OTUD5: variants seen among roughly 807,000 people sequenced by gnomAD.
The protein encoded by OTUD5 is OTU domain-containing protein 5.
OTUD5 carries 2 observed loss-of-function variants against 36.3 expected under a neutral mutation model. The observed-to-expected ratio is 0.06, with a 90% CI of 0.02 to 0.17. The LOEUF (loss-of-function observed/expected upper bound fraction) is 0.17. Ranked by LOEUF, OTUD5 falls within the 10% of genes least tolerant of loss-of-function variation. The pLI, the probability that OTUD5 is intolerant of heterozygous loss-of-function variation, is 1.00. For missense variants in OTUD5, 233 were observed against 512.3 expected (o/e 0.45, Z 5.26); for synonymous variants, 234 against 214.9 (o/e 1.09, Z -0.78).
intron 1 of OTUD5, among the ~76,000 whole-genome samples, chrX:48,956,010 C>G (rs781979570): frequency 9.0e-6 from 1 of 111,136 alleles, no homozygotes; most frequent in African/African-American, 3.3e-5. Flanking sequence ...TAGGATCCAA[C>G]GCTGTGAGTC....
At chrX:48,935,074 G>GA (rs1483628533) in intron 2 of OTUD5, 56 bp from the exon 3 acceptor site, 13 of 1,050,122 alleles carry the variant, frequency 1.2e-5, no homozygotes, top group Non-Finnish European at 1.7e-5. Flanking sequence ...GAAGAGCTCT[G>GA]AATCATAGAA....
chrX:48,942,252 C>CACACACACAA (rs2063941897), intron 2 of OTUD5, among the ~76,000 whole-genome samples: 2 of 94,044 alleles, frequency 2.1e-5, no homozygotes, highest in Admixed American at 2.4e-4. Flanking sequence ...CATACACACA[C>CACACACACAA]ACACACACAC....
chrX:48,934,656 T>G (rs782806397), intron 4 of OTUD5, 44 bp from the exon 5 acceptor site: 54 of 1,206,465 alleles, frequency 4.5e-5, no homozygotes, highest in Non-Finnish European at 6.0e-5. Flanking sequence ...CAGGCCAGGT[T>G]GGGCAGGCTC....
chrX:48,951,657 G>A (rs997995251), intron 1 of OTUD5, among the ~76,000 whole-genome samples: 1 of 110,540 alleles, frequency 9.0e-6, no homozygotes, highest in Non-Finnish European at 1.9e-5. Context: ...GAGGAACATA[G>A]ACACACTACT....
chrX:48,946,054 T>C (rs1295403524), intron 1 of OTUD5, among the ~76,000 whole-genome samples: 1 of 111,089 alleles, frequency 9.0e-6, no homozygotes, highest in Non-Finnish European at 1.9e-5. Context: ...TTATAGGATC[T>C]GGGGTATTAG....
At chrX:48,958,359 G>A (rs1557056421), upstream of OTUD5, 1 of 112,467 alleles carries the variant, frequency 8.9e-6, no homozygotes, top group Admixed American at 9.3e-5. Context: ...AACACTCCCG[G>A]GAGCATAGCT....
intron 5 of OTUD5, among the ~76,000 whole-genome samples, chrX:48,928,849 A>T (rs1490260117): frequency 9.8e-6 from 1 of 101,987 alleles, no homozygotes; most frequent in African/African-American, 3.6e-5. Context: ...AAAAAACAGT[A>T]TGAAAAGGCT....
chrX:48,957,437 A>G lies in OTUD5; in HGVS notation c.134T>C (p.Val45Ala), dbSNP rs781917316. Reference sequence around the variant, plus strand: ...GTCACGGTCGCGATCGCCGCCGCCCACGCCCGTGCCGCCGCCGCCCACGCC... The same window carrying G: ...GTCACGGTCGCGATCGCCGCCGCCCGCGCCCGTGCCGCCGCCGCCCACGCC... Reference protein sequence around the residue: ...GVGVGGGGTGVGGGDRDRDSG... With the variant: ...GVGVGGGGTGAGGGDRDRDSG... The change falls in exon 1 of 9, where the codon GTG becomes GCG. Residue 45 changes from valine (V) to alanine (A), a missense_variant. Around this residue, in one of 3 missense-constraint regions of OTUD5, gnomAD observed 155 missense variants for 217.2 expected, o/e 0.71. Coordinates refer to ENST00000376488, the MANE Select transcript of OTUD5 (RefSeq NM_001136157.2). The G allele has an allele frequency of 2.0e-6, 2 of 1,010,738 alleles. No homozygotes were observed. The highest frequency in any genetic ancestry group is 2.8e-5 in the South Asian group (1 of 35,618). 83.3% of individuals were successfully genotyped at this position (1,010,738 alleles called of 1,213,427 possible). A position where few individuals can be genotyped will look rare whatever the true frequency, so the allele number is the denominator to read the frequency against.
At chrX:48,946,385 G>A (rs1456382959) in intron 1 of OTUD5, among the ~76,000 whole-genome samples, 1 of 111,378 alleles carries the variant, frequency 9.0e-6, no homozygotes, top group African/African-American at 3.3e-5. Context: ...AAGGGGAGGA[G>A]ATCAGCACAG....
intron 5 of OTUD5, among the ~76,000 whole-genome samples, chrX:48,929,829 C>T (rs1161397277): frequency 1.8e-5 from 2 of 111,446 alleles, no homozygotes; most frequent in Non-Finnish European, 3.8e-5. Context: ...CTTGGCCGGG[C>T]GCGGTGGCTC....
At chrX:48,937,406 G>A (rs2063845523) in intron 2 of OTUD5, among the ~76,000 whole-genome samples, 2 of 112,365 alleles carry the variant, frequency 1.8e-5, no homozygotes, top group Non-Finnish European at 3.8e-5. Context: ...GCCAGGCTCA[G>A]AGAGATAGGC....
At chrX:48,958,331 G>A (rs2064294235), upstream of OTUD5, 1 of 112,761 alleles carries the variant, frequency 8.9e-6, no homozygotes, top group East Asian at 2.8e-4. Context: ...CTGTCAGCCG[G>A]AATGACTGGA....
chrX:48,951,212 G>A (rs897310241), intron 1 of OTUD5, among the ~76,000 whole-genome samples: 23 of 111,480 alleles, frequency 2.1e-4, no homozygotes, highest in African/African-American at 7.5e-4. Context: ...AGAGCCTATG[G>A]TCAAAAGGTG....
upstream of OTUD5, chrX:48,957,645 T>G (rs1322256942): frequency 2.5e-6 from 2 of 789,031 alleles, no homozygotes; most frequent in Admixed American, 1.7e-4. Flanking sequence ...AGGGGGCTAG[T>G]GTAGTGCGCG....
At chrX:48,928,013 A>C (rs2063692991) in intron 5 of OTUD5, among the ~76,000 whole-genome samples, 1 of 112,969 alleles carries the variant, frequency 8.9e-6, no homozygotes, top group Non-Finnish European at 1.9e-5. Flanking sequence ...GCAAATAAGC[A>C]TATGAAAAGA....
At chrX:48,950,537 CTTTTTTT>C (rs781905691) in intron 1 of OTUD5, among the ~76,000 whole-genome samples, 82 of 83,074 alleles carry the variant, frequency 9.9e-4, no homozygotes, top group South Asian at 3.0e-3. Flanking sequence ...TTCTCTCTCT[CTTTTTTT>C]TTTTTTTTTT....
intron 5 of OTUD5, among the ~76,000 whole-genome samples, chrX:48,929,335 C>T (rs1191003363): frequency 4.6e-5 from 5 of 109,696 alleles, no homozygotes; most frequent in African/African-American, 1.7e-4. Flanking sequence ...TTGCAGTGAG[C>T]CGAGATCGCA....
intron 1 of OTUD5, among the ~76,000 whole-genome samples, chrX:48,947,712 A>G (rs1420246174): frequency 3.6e-5 from 4 of 110,190 alleles, no homozygotes; most frequent in Non-Finnish European, 5.7e-5. Flanking sequence ...TCAAGGAAAA[A>G]AAAAAAAAAG....
chrX:48,945,266 C>CTTTTTTT (rs139382090), intron 1 of OTUD5, among the ~76,000 whole-genome samples: 3 of 73,248 alleles, frequency 4.1e-5, no homozygotes, highest in Non-Finnish European at 7.7e-5. Flanking sequence ...AAAATCAAGT[C>CTTTTTTT]TTTTTTTTTT....
Sources: gnomAD v4.1 joint callset for allele counts (sites outside exome capture counted in the v4.1 genomes callset) on GRCh38, gnomAD v4.1.1 for gene constraint, gnomAD v4.1.1 regional missense constraint, MANE v1.5 for transcripts, NCBI Gene and HGNC (gene_info 2026-07-23, HGNC 2026-07-21) for gene names.